The following AFG1L variants were observed in gnomAD, a reference collection of about 807,000 sequenced individuals.
AFG1L encodes AFG1 like ATPase, also known as AFG1-like ATPase.
In AFG1L, 53 loss-of-function variants were observed where a neutral mutation model predicts 62.2. The ratio of observed to expected loss-of-function variants is 0.85; its 90% CI spans 0.68 to 1.07. The LOEUF is 1.07. AFG1L is among the 50% of genes least tolerant of loss of function. The pLI is 0.00. For synonymous variants in AFG1L, 228 were observed against 210.3 expected (o/e 1.08, Z -0.73); for missense variants, 555 against 590.5 (o/e 0.94, Z 0.62).
rs780353680 is a variant in AFG1L at position 108,447,296 on chromosome 6, TGTAA to T, written c.890+3_890+6del. 1.9e-6 allele frequency: 3 copies of T among 1,562,202 alleles called. No homozygotes were observed. In the East Asian group the frequency reaches 6.8e-5, roughly 35 times the overall value. On this transcript the variant is annotated splice_donor_variant and splice_donor_region_variant and intron_variant, in intron 8 of 12. Transcript: ENST00000368977. LOFTEE classifies it high-confidence loss of function. ...CCTGCTGCAGGAAAACTCTACTACCTGTAAGTGTTTCTAATTTTTAAAGTTTAAT... is the reference window on the plus strand; with the variant it reads ...CCTGCTGCAGGAAAACTCTACTACCTGTGTTTCTAATTTTTAAAGTTTAAT...
At chr6:108,360,331 A>G (rs1779474387) in intron 5 of AFG1L, among the ~76,000 whole-genome samples, 1 of 152,202 alleles carries the variant, frequency 6.6e-6, no homozygotes, top group Non-Finnish European at 1.5e-5. Flanking sequence ...TATTATACCA[A>G]CTACTTATTT....
At chr6:108,492,100 T>A (rs748870051) in intron 10 of AFG1L, among the ~76,000 whole-genome samples, 3 of 152,212 alleles carry the variant, frequency 2.0e-5, no homozygotes, top group African/African-American at 4.8e-5. Flanking sequence ...CTTTTCTCCT[T>A]TTTCATTTTG....
At chr6:108,380,143 C>G (rs1307069975) in intron 6 of AFG1L, among the ~76,000 whole-genome samples, 1 of 150,146 alleles carries the variant, frequency 6.7e-6, no homozygotes, top group Non-Finnish European at 1.5e-5. Flanking sequence ...AGAGAGGGTC[C>G]CCCTGCACCA....
intron 10 of AFG1L, among the ~76,000 whole-genome samples, chr6:108,494,935 T>G (rs573569203): frequency 6.6e-6 from 1 of 151,872 alleles, no homozygotes; most frequent in South Asian, 2.1e-4. Context: ...CCTGCCCAGC[T>G]AAATTTTTTT....
chr6:108,467,301 G>A (rs1772714562), intron 8 of AFG1L, among the ~76,000 whole-genome samples: 1 of 148,784 alleles, frequency 6.7e-6, no homozygotes, highest in African/African-American at 2.5e-5. Flanking sequence ...AAGCTGCAGT[G>A]CAATGGCACG....
At chr6:108,511,880 A>C (rs530580479) in intron 11 of AFG1L, among the ~76,000 whole-genome samples, 1 of 152,344 alleles carries the variant, frequency 6.6e-6, no homozygotes, top group Admixed American at 6.5e-5. Context: ...TTGCCTTCAA[A>C]GAGCTTAGAT....
intron 11 of AFG1L, among the ~76,000 whole-genome samples, chr6:108,512,445 T>A (rs1774692130): frequency 6.6e-6 from 1 of 152,102 alleles, no homozygotes; most frequent in Admixed American, 6.5e-5. Flanking sequence ...GCCCATCAGC[T>A]GTGAGTGGTG....
intron 2 of AFG1L, among the ~76,000 whole-genome samples, chr6:108,346,370 T>C (rs1283454853): frequency 6.6e-6 from 1 of 152,016 alleles, no homozygotes; most frequent in Non-Finnish European, 1.5e-5. Flanking sequence ...TTTCTACTTT[T>C]TTTTTTTTAA....
intron 10 of AFG1L, among the ~76,000 whole-genome samples, chr6:108,494,938 A>AT (rs924127265): frequency 4.0e-5 from 6 of 150,748 alleles, no homozygotes; most frequent in Non-Finnish European, 5.9e-5. Context: ...GCCCAGCTAA[A>AT]TTTTTTTTGT....
At chr6:108,373,537 T>G (rs1300018143) in intron 6 of AFG1L, among the ~76,000 whole-genome samples, 1 of 152,078 alleles carries the variant, frequency 6.6e-6, no homozygotes, top group East Asian at 1.9e-4. Flanking sequence ...TTGTTTTCTG[T>G]TGGATAGACA....
At chr6:108,316,378 C>A (rs1410483278) in intron 1 of AFG1L, among the ~76,000 whole-genome samples, 4 of 43,992 alleles carry the variant, frequency 9.1e-5, no homozygotes, top group Non-Finnish European at 1.4e-4. Context: ...GAGACTCCGT[C>A]TCAAAAAAAA....
rs535546971 is a variant in AFG1L, at chr6:108,378,471, A to G, written c.748+12139A>G. On this transcript the variant is annotated intron_variant, in intron 6 of 12. Coordinates refer to ENST00000368977, the MANE Select transcript of AFG1L (RefSeq NM_145315.5). ...GTAGCTGGGATTACAGGCACATGCC[A>G]CCACGCCCAGCTAATTTTTGTATTT... Among the ~76,000 whole-genome samples, 19 of 152,196 alleles carry G rather than the reference A, an allele frequency of 1.2e-4. No homozygotes were observed. The South Asian group carries it at 2.5e-3, about 20-fold the overall frequency.
chr6:108,460,335 AT>A (rs1301779936), intron 8 of AFG1L, among the ~76,000 whole-genome samples: 1 of 152,200 alleles, frequency 6.6e-6, no homozygotes, highest in Non-Finnish European at 1.5e-5. Context: ...AATTAATGAA[AT>A]AGAGAATAGA....
intron 6 of AFG1L, among the ~76,000 whole-genome samples, chr6:108,373,798 G>A (rs1461972438): frequency 1.3e-5 from 2 of 152,012 alleles, no homozygotes; most frequent in Non-Finnish European, 2.9e-5. Flanking sequence ...GACTGGTCTC[G>A]AACTCCTGAC....
chr6:108,381,619 GA>G (rs1231174313), intron 6 of AFG1L, among the ~76,000 whole-genome samples: 2 of 152,064 alleles, frequency 1.3e-5, no homozygotes, highest in African/African-American at 4.8e-5. Flanking sequence ...AGAATAGCTA[GA>G]AACAAAAATC....
intron 5 of AFG1L, among the ~76,000 whole-genome samples, chr6:108,365,875 TGTGGGAAGCGG>T (rs1425311892): frequency 1.3e-5 from 2 of 151,864 alleles, no homozygotes; most frequent in African/African-American, 2.4e-5. Flanking sequence ...TTTGAGGGGG[TGTGGGAAGCGG>T]GTGGGAAGAG....
intron 7 of AFG1L, among the ~76,000 whole-genome samples, chr6:108,435,607 G>A (rs557060721): frequency 6.6e-6 from 1 of 152,290 alleles, no homozygotes; most frequent in East Asian, 1.9e-4. Context: ...AATCGCTTGA[G>A]GCCAGGAGAG....
At chr6:108,425,593 T>C (rs1054802423) in intron 7 of AFG1L, among the ~76,000 whole-genome samples, 1 of 152,150 alleles carries the variant, frequency 6.6e-6, no homozygotes, top group Admixed American at 6.6e-5. Flanking sequence ...CTAGTTTTTA[T>C]TGAGAGCTCT....
At chr6:108,446,376 A>T (rs1376647413) in intron 7 of AFG1L, among the ~76,000 whole-genome samples, 3 of 152,058 alleles carry the variant, frequency 2.0e-5, no homozygotes, top group Non-Finnish European at 4.4e-5. Context: ...AAAGGGAGAC[A>T]TGGGCAGTGG....
Sources: allele counts gnomAD v4.1 joint callset (sites outside exome capture counted in the v4.1 genomes callset), GRCh38; gene constraint gnomAD v4.1.1; transcripts MANE v1.5; gene names NCBI Gene and HGNC (gene_info 2026-07-23, HGNC 2026-07-21).